ARHGAP25: variants seen among roughly 807,000 people sequenced by gnomAD.
ARHGAP25 encodes rho GTPase-activating protein 25.
Under a neutral mutation model 71.0 loss-of-function variants are expected in ARHGAP25, and 34 were observed. The ratio of observed to expected loss-of-function variants is 0.48; its 90% confidence interval spans 0.36 to 0.64. The LOEUF (loss-of-function observed/expected upper bound fraction) is 0.64. Among genes scored for constraint, ARHGAP25 ranks in the 30% least tolerant of loss-of-function variants. ARHGAP25 has a pLI of 0.00. For missense variants in ARHGAP25, 706 were observed against 805.1 expected, an observed-to-expected ratio of 0.88 and a Z score of 1.49; for synonymous variants, 282 against 296.5, an observed-to-expected ratio of 0.95 and a Z score of 0.50.
intron 9 of ARHGAP25, chr2:68,819,629 A>C (rs1291930632): frequency 1.7e-6 from 1 of 583,442 alleles, no homozygotes; most frequent in East Asian, 2.8e-5. Context: ...TCAGTGGGAA[A>C]AATGTATACA....
chr2:68,734,015 G>C (rs1193049660), upstream of ARHGAP25, among the ~76,000 whole-genome samples: 1 of 152,192 alleles, frequency 6.6e-6, no homozygotes, highest in Non-Finnish European at 1.5e-5. Context: ...TCTGTTTCCA[G>C]GGCCCAAATG....
intron 1 of ARHGAP25, among the ~76,000 whole-genome samples, chr2:68,741,083 T>A (rs1675495678): frequency 6.6e-6 from 1 of 152,244 alleles, no homozygotes; most frequent in South Asian, 2.1e-4. Flanking sequence ...ATCTCTTTCC[T>A]TTCTTTATAG....
chr2:68,810,731 C>CTTTTTTTTTTT, intron 5 of ARHGAP25, among the ~76,000 whole-genome samples: 1 of 74,354 alleles, frequency 1.3e-5, no homozygotes, highest in Non-Finnish European at 2.5e-5. Flanking sequence ...CTTTTCTTCT[C>CTTTTTTTTTTT]TTTTTTTTTT....
intron 4 of ARHGAP25, among the ~76,000 whole-genome samples, chr2:68,801,698 C>A (rs759263451): frequency 6.6e-6 from 1 of 152,102 alleles, no homozygotes; most frequent in Non-Finnish European, 1.5e-5. Context: ...GGACTGTCTG[C>A]CTTTGAGGGG....
chr2:68,768,359 C>A (rs544751574), intron 1 of ARHGAP25, among the ~76,000 whole-genome samples: 1 of 152,316 alleles, frequency 6.6e-6, no homozygotes, highest in Middle Eastern at 3.4e-3. Flanking sequence ...TCCAGAAATC[C>A]CGCCAATAGG....
intron 1 of ARHGAP25, among the ~76,000 whole-genome samples, chr2:68,771,482 A>T (rs1677487899): frequency 6.6e-6 from 1 of 152,196 alleles, no homozygotes; most frequent in South Asian, 2.1e-4. Flanking sequence ...CCCACCCACA[A>T]AGAAGAGAGA....
At position 68,778,746 on chromosome 2, in the gene ARHGAP25, G is replaced by T. The variant is rs148079034; in HGVS notation, c.261+3326G>T. Among the ~76,000 whole-genome samples the T allele has an allele frequency of 7.4e-4, 113 of 152,250 alleles. 2 individuals carry two copies. The East Asian group carries it at 0.02, about 27-fold the overall frequency. ...TACGAAGTTCCAAAAGAAATAATAA[G>T]AATATTCAATGCTATTTATAATGAG... On this transcript the variant is annotated intron_variant, in intron 2 of 10. Coordinates refer to ENST00000409202, the MANE Select transcript of ARHGAP25 (RefSeq NM_001007231.3).
In ARHGAP25 at chr2:68,817,945, T is replaced by C; in HGVS notation, c.954T>C (p.Gly318=). ...MSVDNLATVI[G]VNLIRSKVED... is the part of the protein sequence containing the mutation. ...TGGACAACCTGGCTACTGTGATTGG[T>C]GTGAATCTCATCAGGTCGAAGGTCG... The change falls in exon 8 of 11, where the codon GGT becomes GGC. Residue 318 remains glycine, a synonymous_variant. Transcript: ENST00000409202. 3 of 1,614,134 alleles carry C rather than the reference T, an allele frequency of 1.9e-6. No homozygotes were observed. In the African/African-American group the frequency reaches 4.0e-5, roughly 22 times the overall value.
intron 3 of ARHGAP25, 51 bp from the exon 4 acceptor site, chr2:68,787,789 C>T (rs1678859997): frequency 6.7e-7 from 1 of 1,487,332 alleles, no homozygotes; most frequent in Non-Finnish European, 9.4e-7. Context: ...TCCCCTTGCT[C>T]TCATGTTCTT....
chr2:68,804,558 A>G (rs1019392935), intron 4 of ARHGAP25, among the ~76,000 whole-genome samples: 1 of 152,054 alleles, frequency 6.6e-6, no homozygotes, highest in Non-Finnish European at 1.5e-5. Flanking sequence ...GTTTTGTGTG[A>G]CCCCTCAAAG....
At chr2:68,763,986 A>G (rs1676978487) in intron 1 of ARHGAP25, among the ~76,000 whole-genome samples, 1 of 152,174 alleles carries the variant, frequency 6.6e-6, no homozygotes, top group African/African-American at 2.4e-5. Context: ...GTCCAGTTTT[A>G]GGACATTTTT....
chr2:68,756,379 C>T (rs1172087801), intron 1 of ARHGAP25, among the ~76,000 whole-genome samples: 1 of 152,232 alleles, frequency 6.6e-6, no homozygotes, highest in East Asian at 1.9e-4. Context: ...GTGTTTGCAA[C>T]TCTCCCTATT....
chr2:68,774,152 G>A (rs896870372), intron 1 of ARHGAP25, among the ~76,000 whole-genome samples: 1 of 152,206 alleles, frequency 6.6e-6, no homozygotes, highest in Non-Finnish European at 1.5e-5. Context: ...CTTGGCAGAA[G>A]GAGAGGGGTG....
chr2:68,781,551 G>A (rs1023774962), intron 2 of ARHGAP25, among the ~76,000 whole-genome samples: 2 of 152,140 alleles, frequency 1.3e-5, no homozygotes, highest in African/African-American at 2.4e-5. Flanking sequence ...TCTGGGCTTG[G>A]TGGTGGGACC....
At chr2:68,809,661 G>C (rs1295812196) in intron 5 of ARHGAP25, among the ~76,000 whole-genome samples, 1 of 152,096 alleles carries the variant, frequency 6.6e-6, no homozygotes, top group Admixed American at 6.6e-5. Flanking sequence ...TCCTATAAAA[G>C]GAATTCTAGG....
intron 1 of ARHGAP25, among the ~76,000 whole-genome samples, chr2:68,765,358 T>C (rs1217221969): frequency 1.0e-5 from 1 of 96,794 alleles, no homozygotes; most frequent in Non-Finnish European, 2.5e-5. Flanking sequence ...ATAGTTGACA[T>C]GTAAAAAAAA....
intron 5 of ARHGAP25, among the ~76,000 whole-genome samples, chr2:68,809,764 C>T (rs1344112514): frequency 6.6e-6 from 1 of 152,204 alleles, no homozygotes; most frequent in Admixed American, 6.5e-5. Context: ...CCCAGATCCT[C>T]TGCATTGGTT....
intron 7 of ARHGAP25, 136 bp downstream of exon 7, chr2:68,816,498 G>C (rs1184031723): frequency 4.3e-6 from 3 of 690,546 alleles, no homozygotes; most frequent in African/African-American, 3.6e-5. Context: ...TATTCACATA[G>C]CACTGAAGTA....
chr2:68,788,029 A>G (rs1678880049), intron 4 of ARHGAP25, 73 bp downstream of exon 4: 2 of 1,201,544 alleles, frequency 1.7e-6, no homozygotes, highest in African/African-American at 3.0e-5. Flanking sequence ...CTCCAATGTG[A>G]TAGCTCCTTG....
Sources: allele counts gnomAD v4.1 joint callset (sites outside exome capture counted in the v4.1 genomes callset), GRCh38; gene constraint gnomAD v4.1.1; transcripts MANE v1.5; gene names NCBI Gene and HGNC (gene_info 2026-07-23, HGNC 2026-07-21).